Variants in MYO3B observed in about 807,000 individuals in gnomAD.
MYO3B encodes the protein myosin-IIIb.
In MYO3B, 156 loss-of-function variants were observed where a neutral mutation model predicts 174.6. That is an observed-to-expected ratio of 0.89 (90% CI 0.78 to 1.02). The LOEUF (loss-of-function observed/expected upper bound fraction) is 1.02. MYO3B is among the 50% of genes least tolerant of loss of function. MYO3B has a pLI of 0.00. For missense variants in MYO3B, 1,632 were observed against 1,639.4 expected (o/e 1.00, Z 0.08); for synonymous variants, 563 against 569.1 (o/e 0.99, Z 0.15).
chr2:170,601,912 C>A (rs1694533887), intron 32 of MYO3B: 1 of 844,350 alleles, frequency 1.2e-6, no homozygotes, highest in Non-Finnish European at 2.0e-6. Flanking sequence ...ATACTCAGAG[C>A]AGAACAGCAA....
intron 7 of MYO3B, among the ~76,000 whole-genome samples, chr2:170,313,015 A>T (rs949337713): frequency 8.8e-4 from 134 of 152,374 alleles, no homozygotes; most frequent in African/African-American, 2.8e-3. Flanking sequence ...GGACCTAGAC[A>T]ACTGGGTATC....
intron 1 of MYO3B, chr2:170,180,327 G>A: frequency 4.1e-6 from 1 of 244,404 alleles, no homozygotes; most frequent in East Asian, 1.1e-4. Context: ...GAAGAATGCA[G>A]TAGGAAATTT....
At chr2:170,234,374 G>A (rs2093048707) in intron 6 of MYO3B, among the ~76,000 whole-genome samples, 2 of 152,128 alleles carry the variant, frequency 1.3e-5, no homozygotes, top group African/African-American at 4.8e-5. Context: ...GTCCTCACAT[G>A]GCAGAAGGCA....
intron 1 of MYO3B, among the ~76,000 whole-genome samples, chr2:170,196,701 G>A (rs2092604255): frequency 6.6e-6 from 1 of 152,218 alleles, no homozygotes; most frequent in Admixed American, 6.5e-5. Flanking sequence ...CAGTGGGGAA[G>A]ATTTGATCTA....
intron 30 of MYO3B, among the ~76,000 whole-genome samples, chr2:170,522,272 C>G (rs1251125985): frequency 6.6e-6 from 1 of 152,142 alleles, no homozygotes; most frequent in Non-Finnish European, 1.5e-5. Flanking sequence ...ATTCCTGATT[C>G]ACACACCAAG....
chr2:170,416,889 G>A (rs1471539399), intron 22 of MYO3B, among the ~76,000 whole-genome samples: 2 of 144,812 alleles, frequency 1.4e-5, no homozygotes, highest in South Asian at 2.2e-4. Context: ...GCAGTGCCGC[G>A]ATCTCGGCTC....
chr2:170,459,281 A>C (rs2105946747), intron 23 of MYO3B, among the ~76,000 whole-genome samples: 1 of 152,196 alleles, frequency 6.6e-6, no homozygotes, highest in Non-Finnish European at 1.5e-5. Context: ...TTTTACAGAG[A>C]GCTGATTGAC....
At chr2:170,452,131 A>G (rs902658570) in intron 23 of MYO3B, among the ~76,000 whole-genome samples, 1 of 152,150 alleles carries the variant, frequency 6.6e-6, no homozygotes, top group Non-Finnish European at 1.5e-5. Context: ...TATCCCTTAA[A>G]GTTGCTATAC....
In MYO3B at chr2:170,386,087, C is replaced by A. The variant is rs910980789; in HGVS notation, c.1291-102C>A. 4.6e-6 allele frequency: 4 copies of A among 865,594 alleles called. No homozygotes were observed. The African/African-American group carries it at 6.8e-5, about 15-fold the overall frequency. The allele number at this position is 865,594 out of a possible 1,614,324, so 53.6% of individuals were successfully genotyped here. A position where few individuals can be genotyped will look rare whatever the true frequency, so the allele number is the denominator to read the frequency against. On this transcript the variant is annotated intron_variant, in intron 12 of 34. Transcript: ENST00000408978. ...ATAGGAAGATGCCTAAGATCTATCT[C>A]TCAGTGAAAAATTAAGGTGTACAGT...
intron 32 of MYO3B, among the ~76,000 whole-genome samples, chr2:170,617,428 C>A (rs111713503): frequency 2.0e-5 from 3 of 152,142 alleles, no homozygotes; most frequent in Non-Finnish European, 4.4e-5. Context: ...AACTAATATG[C>A]AACTTTCCTG....
At chr2:170,569,453 A>G (rs1383847029) in intron 32 of MYO3B, among the ~76,000 whole-genome samples, 1 of 152,098 alleles carries the variant, frequency 6.6e-6, no homozygotes, top group East Asian at 1.9e-4. Flanking sequence ...ATTCATAAGC[A>G]GAAGAGCCAT....
chr2:170,489,672 G>GTGTGTGTGTGTGTGTGTGTGTGT (rs1559050464), intron 25 of MYO3B, among the ~76,000 whole-genome samples: 1 of 89,210 alleles, frequency 1.1e-5, no homozygotes, highest in African/African-American at 4.0e-5. Context: ...TGTGTGTCTG[G>GTGTGTGTGTGTGTGTGTGTGTGT]GTAAGTGTGG....
chr2:170,466,981 C>A (rs765063487), intron 25 of MYO3B, among the ~76,000 whole-genome samples: 2 of 152,160 alleles, frequency 1.3e-5, no homozygotes, highest in African/African-American at 2.4e-5. Context: ...CTCAAGTTCT[C>A]CAGGTATTTT....
chr2:170,257,727 A>C (rs1024421124), intron 7 of MYO3B, among the ~76,000 whole-genome samples: 1 of 152,112 alleles, frequency 6.6e-6, no homozygotes, highest in Non-Finnish European at 1.5e-5. Flanking sequence ...AGAAATAACT[A>C]AGAGCAGAAC....
chr2:170,465,415 C>A (rs747412711), intron 24 of MYO3B, among the ~76,000 whole-genome samples: 1 of 152,156 alleles, frequency 6.6e-6, no homozygotes, highest in Non-Finnish European at 1.5e-5. Flanking sequence ...CACTCATTGC[C>A]GTGAGGACAG....
chr2:170,248,783 TCAG>T (rs2093219790), intron 7 of MYO3B, among the ~76,000 whole-genome samples: 1 of 152,202 alleles, frequency 6.6e-6, no homozygotes, highest in Non-Finnish European at 1.5e-5. Context: ...TCCTATTTTG[TCAG>T]CTGATTGGTA....
intron 32 of MYO3B, among the ~76,000 whole-genome samples, chr2:170,568,756 C>T (rs552533508): frequency 2.0e-5 from 3 of 152,250 alleles, no homozygotes; most frequent in Non-Finnish European, 4.4e-5. Flanking sequence ...GTGAAAATTG[C>T]GTGAACTGTG....
intron 22 of MYO3B, among the ~76,000 whole-genome samples, chr2:170,415,980 T>G (rs1362504427): frequency 1.3e-5 from 2 of 152,198 alleles, no homozygotes; most frequent in Admixed American, 1.3e-4. Context: ...GAATGTGACC[T>G]TATTTGGAAT....
rs1012402288 is a variant in MYO3B at position 170,629,837 on chromosome 2, G to A, written c.3734-21791G>A. On this transcript the variant is annotated intron_variant, in intron 32 of 34. Coordinates refer to ENST00000408978, the MANE Select transcript of MYO3B (RefSeq NM_138995.5). ...TGCACTCCAGCCTGCGCAACAGAGC[G>A]AGACTCTATCTAAAAACAAACAAAC... 4.6e-5 allele frequency among the ~76,000 whole-genome samples: 7 copies of A among 152,294 alleles called. No individual in the cohort carries two copies. In the East Asian group the frequency reaches 5.8e-4, roughly 13 times the overall value.
Sources: allele counts gnomAD v4.1 joint callset (sites outside exome capture counted in the v4.1 genomes callset), GRCh38; gene constraint gnomAD v4.1.1; transcripts MANE v1.5; gene names NCBI Gene and HGNC (gene_info 2026-07-23, HGNC 2026-07-21).